CES3: variants seen among roughly 807,000 people sequenced by gnomAD.
CES3 encodes the protein carboxylesterase 3 (brain).
A neutral mutation model predicts 57.6 loss-of-function variants in CES3; 49 were observed. That is an observed-to-expected ratio of 0.85 (90% CI 0.68 to 1.08). The LOEUF (loss-of-function observed/expected upper bound fraction) is 1.08. Among genes scored for constraint, CES3 ranks in the 50% least tolerant of loss-of-function variants. The pLI, the probability that CES3 is intolerant of heterozygous loss-of-function variation, is 0.00. For missense variants in CES3, 645 were observed against 742.0 expected, an observed-to-expected ratio of 0.87 and a Z score of 1.52; for synonymous variants, 266 against 281.6, an observed-to-expected ratio of 0.94 and a Z score of 0.55.
intron 1 of CES3, among the ~76,000 whole-genome samples, chr16:66,962,494 C>G (rs1310195240): frequency 6.6e-6 from 1 of 152,254 alleles, no homozygotes; most frequent in African/African-American, 2.4e-5. Context: ...CATGATGGCT[C>G]ACACCTGTCG....
rs1250004215 is a variant in CES3, at chr16:66,973,129, C to G, written c.*80C>G. On this transcript the variant is annotated 3_prime_UTR_variant, in exon 13 of 13. Transcript: ENST00000303334. Reference sequence around the variant, plus strand: ...GTCCCAGCACGGCAGCCCGCCTCTCCCCCTGCTGAGACTTTAATCTCCACC... The same window carrying G: ...GTCCCAGCACGGCAGCCCGCCTCTCGCCCTGCTGAGACTTTAATCTCCACC... The G allele has an allele frequency of 1.5e-6, 2 of 1,293,436 alleles. No homozygotes were observed. Among genetic ancestry groups the G allele is most frequent in the African/African-American group, 3.0e-5 (2 of 67,578 alleles). 80.1% of individuals were successfully genotyped at this position (1,293,436 alleles called of 1,614,324 possible).
Position 66,970,354 on chromosome 16 carries a change from C to T in CES3, c.1143+595C>T, listed in dbSNP as rs140917514. 1.2e-3 allele frequency among the ~76,000 whole-genome samples: 189 copies of T among 152,302 alleles called. 3 individuals are homozygous for T. In the East Asian group the frequency reaches 0.013, roughly 11 times the overall value. On this transcript the variant is annotated intron_variant, in intron 9 of 12. Transcript: ENST00000303334. The stretch of plus-strand genomic sequence containing the variant: ...AACTCCTGACCTCAGGTGATTCACC[C>T]GCCTCGGCCTCCCAAAGTGCTGGGA...
rs139234132 is a variant in CES3, at chr16:66,972,709, A to C, written c.1483A>C (p.Thr495Pro). ...ATEEEKQLSLTMMAQWTHFAR... is the reference protein window; with the variant it reads ...ATEEEKQLSLPMMAQWTHFAR... ...AGAGGAGGAGAAGCAGCTAAGCCTC[A>C]CCATGATGGCCCAGTGGACCCACTT... Residue 495 changes from threonine to proline, a missense_variant, in exon 12 of 13, where the codon ACC becomes CCC. Coordinates refer to ENST00000303334, the MANE Select transcript of CES3 (RefSeq NM_024922.6). 9 of 1,614,054 alleles carry C rather than the reference A, an allele frequency of 5.6e-6. No homozygotes were observed. The highest frequency in any genetic ancestry group is 5.3e-5 in the African/African-American group (4 of 74,910).
intron 10 of CES3, 24 bp downstream of exon 10, chr16:66,971,343 C>A (rs1486107269): frequency 1.2e-6 from 2 of 1,603,278 alleles, no homozygotes; most frequent in African/African-American, 2.7e-5. Context: ...TGGCCACCTG[C>A]CCAACCCCTC....
Position 66,964,506 on chromosome 16 carries a change from GC to G in CES3, c.712del (p.Leu238TrpfsTer34). On this transcript the variant is annotated frameshift_variant, in exon 5 of 13. Coordinates refer to ENST00000303334, the MANE Select transcript of CES3 (RefSeq NM_024922.6). LOFTEE classifies it high-confidence loss of function. ...GGSAGGSIIS[G>X]LVLSPVAAGL... ...TCTGCCGGTGGGAGCATCATCTCTG[GC>G]CTGGTAAGTCACTATAGGGGGCTAG... is the stretch of plus-strand genomic sequence containing the variant. 6.8e-6 allele frequency: 11 copies of G among 1,613,734 alleles called. No homozygotes were observed. The highest frequency in any genetic ancestry group is 9.3e-6 in the Non-Finnish European group (11 of 1,179,894).
intron 1 of CES3, among the ~76,000 whole-genome samples, chr16:66,961,961 G>A (rs989262849): frequency 1.3e-5 from 2 of 152,180 alleles, no homozygotes; most frequent in African/African-American, 4.8e-5. Context: ...GAGTTTGCTC[G>A]TAGTTCCCTG....
chr16:66,965,772 C>T (rs1963720920), intron 6 of CES3, among the ~76,000 whole-genome samples: 1 of 152,082 alleles, frequency 6.6e-6, no homozygotes, highest in South Asian at 2.1e-4. Flanking sequence ...AACCCCATCT[C>T]TACTAAAAAT....
chr16:66,968,977 C>T (rs186937299), intron 8 of CES3, among the ~76,000 whole-genome samples: 2 of 152,270 alleles, frequency 1.3e-5, no homozygotes, highest in Admixed American at 1.3e-4. Context: ...GCAGCCTTTA[C>T]CCCACACCAT....
Position 66,964,772 on chromosome 16 carries a change from C to T in CES3, c.819+45C>T, listed in dbSNP as rs372532446. 9.9e-6 allele frequency: 15 copies of T among 1,513,624 alleles called. No individual in the cohort carries two copies. In the African/African-American group the frequency reaches 1.2e-4, roughly 12 times the overall value. 93.8% of individuals were successfully genotyped at this position (1,513,624 alleles called of 1,614,324 possible). ...TCTTACTCTATGTGTGCCTCCCATACCCCACTCTGTGCTGGCCCTGGGGTC... is the reference window on the plus strand; with the variant it reads ...TCTTACTCTATGTGTGCCTCCCATATCCCACTCTGTGCTGGCCCTGGGGTC... On this transcript the variant is annotated intron_variant, in intron 6 of 12. Transcript: ENST00000303334.
At chr16:66,962,761 G>A (rs1963668700) in intron 1 of CES3, among the ~76,000 whole-genome samples, 1 of 152,164 alleles carries the variant, frequency 6.6e-6, no homozygotes, top group African/African-American at 2.4e-5. Context: ...GCCAGGCGTT[G>A]TGGTGCACAC....
chr16:66,962,354 G>A (rs1963662772), intron 1 of CES3, among the ~76,000 whole-genome samples: 1 of 152,242 alleles, frequency 6.6e-6, no homozygotes, highest in African/African-American at 2.4e-5. Context: ...GCCTGGGAGA[G>A]GCAGTCCTCC....
chr16:66,972,796 C>A, intron 12 of CES3, 50 bp downstream of exon 12: 1 of 1,613,840 alleles, frequency 6.2e-7, no homozygotes, highest in South Asian at 1.1e-5. Context: ...ATGCTCAGGT[C>A]GGCCCCTCTG....
intron 1 of CES3, 113 bp downstream of exon 1, chr16:66,961,502 G>C (rs1963651280): frequency 1.0e-5 from 8 of 785,520 alleles, no homozygotes; most frequent in Non-Finnish European, 1.7e-5. Flanking sequence ...TTTGGAGGCA[G>C]ACCAGGGGTT....
chr16:66,973,173 C>T lies in CES3; in HGVS notation c.*124C>T, dbSNP rs141892963. ...CTCCACCAGCCCTTAAAGTGTCGGC[C>T]GCTCTGTGACTGGAGTTATGCTCTT... On this transcript the variant is annotated 3_prime_UTR_variant, in exon 13 of 13. Coordinates refer to ENST00000303334, the MANE Select transcript of CES3 (RefSeq NM_024922.6). The T allele has an allele frequency of 1.8e-4, 145 of 804,474 alleles. No individual in the cohort carries two copies. The African/African-American group carries it at 1.9e-3, about 11-fold the overall frequency. The allele number at this position is 804,474 out of a possible 1,614,324, so 49.8% of individuals were successfully genotyped here. A position where few individuals can be genotyped will look rare whatever the true frequency, so the allele number is the denominator to read the frequency against.
intron 4 of CES3, 72 bp downstream of exon 4, chr16:66,964,007 C>A: frequency 6.3e-7 from 1 of 1,581,594 alleles, no homozygotes; most frequent in Non-Finnish European, 8.6e-7. Context: ...AACTGGGGAT[C>A]TAGGTTGGGG....
chr16:66,969,627 C>T (rs528420411), intron 8 of CES3, 52 bp from the exon 9 acceptor site: 19 of 1,551,776 alleles, frequency 1.2e-5, no homozygotes, highest in African/African-American at 9.5e-5. Flanking sequence ...GGCTGGGAGT[C>T]GGGGTGAGCC....
chr16:66,969,836 C>A, intron 9 of CES3, 77 bp downstream of exon 9: 3 of 1,314,426 alleles, frequency 2.3e-6, no homozygotes, highest in South Asian at 1.3e-5. Flanking sequence ...ACAGCACAGT[C>A]TCTGCCCCTA....
rs1297022451 is a variant in CES3, at chr16:66,963,172, C to T, written c.83-7C>T. ...CTCACCCCGTGGCCTTTCTGTCCTT[C>T]CCTCAGGGCCCGAAGTTGCTCAGCC... is the stretch of plus-strand genomic sequence containing the variant. On this transcript the variant is annotated splice_polypyrimidine_tract_variant and splice_region_variant and intron_variant, in intron 1 of 12. Transcript: ENST00000303334. This position sits in a 1 kb window ranked among gnomAD's most constrained non-coding sequence, Gnocchi z 4.9. 1.2e-6 allele frequency: 2 copies of T among 1,614,228 alleles called. No individual in the cohort carries two copies. Among genetic ancestry groups the T allele is most frequent in the Non-Finnish European group, 8.5e-7 (1 of 1,180,008 alleles).
At chr16:66,970,809 C>T (rs1191657322) in intron 9 of CES3, among the ~76,000 whole-genome samples, 1 of 152,228 alleles carries the variant, frequency 6.6e-6, no homozygotes, top group Non-Finnish European at 1.5e-5. Context: ...CCCTCTGGAG[C>T]TGAGGGGAGC....
Sources: allele counts gnomAD v4.1 joint callset (sites outside exome capture counted in the v4.1 genomes callset), GRCh38; gene constraint gnomAD v4.1.1; non-coding constraint Gnocchi (gnomAD v3.1); transcripts MANE v1.5; gene names NCBI Gene and HGNC (gene_info 2026-07-23, HGNC 2026-07-21).